ARHGAP15: variants seen among roughly 807,000 people sequenced by gnomAD.
ARHGAP15 encodes rho GTPase-activating protein 15.
Under a neutral mutation model 63.7 loss-of-function variants are expected in ARHGAP15, and 51 were observed. That is an observed-to-expected ratio of 0.80 (90% CI 0.64 to 1.01). The LOEUF is 1.01. Ranked by LOEUF, ARHGAP15 falls within the 50% of genes least tolerant of loss-of-function variation. ARHGAP15 has a pLI of 0.00. For synonymous variants in ARHGAP15, 191 were observed against 193.8 expected, an observed-to-expected ratio of 0.99 and a Z score of 0.12; for missense variants, 560 against 564.6, an observed-to-expected ratio of 0.99 and a Z score of 0.08.
chr2:143,642,272 A>T (rs77710194), intron 12 of ARHGAP15, among the ~76,000 whole-genome samples: 1 of 151,832 alleles, frequency 6.6e-6, no homozygotes, highest in Non-Finnish European at 1.5e-5. Context: ...TTTTTTATGT[A>T]TAAGAAGAGG....
Position 143,315,877 on chromosome 2 carries a change from GAGTT to G in ARHGAP15, c.474+65278_474+65281del, listed in dbSNP as rs1269386658. ...AGGCGGGTGGATCACCTGAAGTCAG[GAGTT>G]CAAGATCAGCCTGGCCAACACGGTG... is the stretch of plus-strand genomic sequence containing the variant. On this transcript the variant is annotated intron_variant, in intron 6 of 13. Coordinates refer to ENST00000295095, the MANE Select transcript of ARHGAP15 (RefSeq NM_018460.4). Among the ~76,000 whole-genome samples the G allele has an allele frequency of 9.1e-5, 13 of 142,484 alleles. No homozygotes were observed. The East Asian group carries it at 2.1e-3, about 23-fold the overall frequency. 93.5% of individuals were successfully genotyped at this position (142,484 alleles called of 152,430 possible). A position where few individuals can be genotyped will look rare whatever the true frequency, so the allele number is the denominator to read the frequency against.
intron 5 of ARHGAP15, among the ~76,000 whole-genome samples, chr2:143,249,921 A>T (rs1680063488): frequency 6.6e-6 from 1 of 152,120 alleles, no homozygotes; most frequent in Admixed American, 6.6e-5. Flanking sequence ...TAAAAGGCAT[A>T]GTTGACACTT....
chr2:143,145,594 C>T (rs922777466), intron 1 of ARHGAP15, among the ~76,000 whole-genome samples: 12 of 152,082 alleles, frequency 7.9e-5, no homozygotes, highest in African/African-American at 2.2e-4. Flanking sequence ...TTATCAATGA[C>T]TGTTTCTGCT....
At chr2:143,253,658 TAA>T (rs1171648166) in intron 6 of ARHGAP15, among the ~76,000 whole-genome samples, 2 of 151,236 alleles carry the variant, frequency 1.3e-5, no homozygotes, top group African/African-American at 2.4e-5. Context: ...CAATAAATAA[TAA>T]AAGAATTCTA....
chr2:143,519,322 C>G lies in ARHGAP15; in HGVS notation c.883C>G (p.Pro295Ala). 1 of 1,613,108 alleles carries G rather than the reference C, an allele frequency of 6.2e-7. No homozygotes were observed. The highest frequency in any genetic ancestry group is 8.5e-7 in the Non-Finnish European group (1 of 1,179,262). Residue 295 changes from proline (P) to alanine (A), a missense_variant, in exon 10 of 14, where the codon CCG becomes GCG. Pro to Ala is a conservative substitution (Grantham distance 27, BLOSUM62 -1). Coordinates refer to ENST00000295095, the MANE Select transcript of ARHGAP15 (RefSeq NM_018460.4). ...GTGTGAACGTGAAAATTCCACAGTT[C>G]CGTGGTTTGTAAAGCAATGCATTGA... ...KVCERENSTVPWFVKQCIEAV... is the reference protein window; with the variant it reads ...KVCERENSTVAWFVKQCIEAV...
chr2:143,546,123 T>C (rs1300745133), intron 10 of ARHGAP15, among the ~76,000 whole-genome samples: 1 of 152,078 alleles, frequency 6.6e-6, no homozygotes, highest in African/African-American at 2.4e-5. Flanking sequence ...CAGTTCAGAA[T>C]GAAAGGGGAG....
intron 12 of ARHGAP15, among the ~76,000 whole-genome samples, chr2:143,668,034 A>T (rs1488396514): frequency 6.6e-6 from 1 of 151,836 alleles, no homozygotes; most frequent in Non-Finnish European, 1.5e-5. Flanking sequence ...ACATATTTTT[A>T]AAAAGAGAAA....
At chr2:143,762,619 A>G (rs1186398709) in intron 13 of ARHGAP15, among the ~76,000 whole-genome samples, 2 of 151,916 alleles carry the variant, frequency 1.3e-5, no homozygotes, top group Non-Finnish European at 2.9e-5. Flanking sequence ...CTTCATATAC[A>G]CTCTTCAGTG....
At chr2:143,648,974 G>A (rs1681032237) in intron 12 of ARHGAP15, 1 of 151,936 alleles carries the variant, frequency 6.6e-6, no homozygotes, top group Admixed American at 6.6e-5. Context: ...CACACTTTTA[G>A]TCTCAGACCT....
At chr2:143,301,341 C>T (rs560751675) in intron 6 of ARHGAP15, among the ~76,000 whole-genome samples, 1 of 151,998 alleles carries the variant, frequency 6.6e-6, no homozygotes, top group African/African-American at 2.4e-5. Flanking sequence ...GTATTTGCCT[C>T]TTGTCATATT....
chr2:143,330,125 AAAAAAACC>A lies in ARHGAP15; in HGVS notation c.474+79531_474+79538del, dbSNP rs1684468679. ...AAAAAAAAAAAAAAAAAAAAAAAAAAAAAAAACCAAAAACAAAAAACTAAACTAATGAT... is the reference window on the plus strand; with the variant it reads ...AAAAAAAAAAAAAAAAAAAAAAAAAAAAAAACAAAAAACTAAACTAATGAT... On this transcript the variant is annotated intron_variant, in intron 6 of 13. Coordinates refer to ENST00000295095, the MANE Select transcript of ARHGAP15 (RefSeq NM_018460.4). Among the ~76,000 whole-genome samples the A allele has an allele frequency of 6.6e-5, 6 of 90,272 alleles. 1 individual carries two copies. Among genetic ancestry groups the A allele is most frequent in the Non-Finnish European group, 4.5e-5 (2 of 44,492 alleles). 59.2% of individuals were successfully genotyped at this position (90,272 alleles called of 152,430 possible).
At chr2:143,200,555 T>TTC (rs1011081898) in intron 2 of ARHGAP15, among the ~76,000 whole-genome samples, 1 of 150,984 alleles carries the variant, frequency 6.6e-6, no homozygotes, top group Non-Finnish European at 1.5e-5. Context: ...TTCTCTCTCT[T>TTC]TCTCTCTCTC....
chr2:143,260,406 G>C (rs1680660544), intron 6 of ARHGAP15, among the ~76,000 whole-genome samples: 1 of 152,176 alleles, frequency 6.6e-6, no homozygotes, highest in South Asian at 2.1e-4. Context: ...TATTTATATA[G>C]ATCACAAGTC....
At chr2:143,568,402 CAT>C (rs1275244248) in intron 11 of ARHGAP15, among the ~76,000 whole-genome samples, 2 of 152,158 alleles carry the variant, frequency 1.3e-5, no homozygotes, top group African/African-American at 4.8e-5. Context: ...AGCCAACAGA[CAT>C]ATGAAAAAAT....
rs1377479127 is a variant in ARHGAP15, at chr2:143,462,251, C to A, written c.704-25122C>A. On this transcript the variant is annotated intron_variant, in intron 8 of 13. Coordinates refer to ENST00000295095, the MANE Select transcript of ARHGAP15 (RefSeq NM_018460.4). ...AAGTAAACTATAATTGATAGGCCAT[C>A]TCCATTCTGCTGGGAATTGTTGTGT... Among the ~76,000 whole-genome samples, 3 of 152,156 alleles carry A rather than the reference C, an allele frequency of 2.0e-5. No homozygotes were observed. The East Asian group carries it at 5.8e-4, about 29-fold the overall frequency.
chr2:143,679,988 C>G (rs1198285145), intron 12 of ARHGAP15, among the ~76,000 whole-genome samples: 1 of 132,842 alleles, frequency 7.5e-6, no homozygotes, highest in Non-Finnish European at 1.5e-5. Flanking sequence ...GGGGCAAGAG[C>G]CTGCAAGTGT....
chr2:143,470,992 A>G (rs932945653), intron 8 of ARHGAP15, among the ~76,000 whole-genome samples: 2 of 111,286 alleles, frequency 1.8e-5, no homozygotes, highest in African/African-American at 5.3e-5. Context: ...TGTATCATAT[A>G]CATGTGTGTA....
intron 11 of ARHGAP15, among the ~76,000 whole-genome samples, chr2:143,615,263 G>A (rs1315664629): frequency 6.6e-6 from 1 of 152,136 alleles, no homozygotes. Flanking sequence ...AATGAGAGTA[G>A]CAATATCTTA....
chr2:143,562,803 A>G (rs968111819), intron 11 of ARHGAP15, among the ~76,000 whole-genome samples: 2 of 152,224 alleles, frequency 1.3e-5, no homozygotes, highest in African/African-American at 4.8e-5. Flanking sequence ...GCATTAGTAA[A>G]TAATGCTGAA....
Sources: allele counts gnomAD v4.1 joint callset (sites outside exome capture counted in the v4.1 genomes callset), GRCh38; gene constraint gnomAD v4.1.1; transcripts MANE v1.5; gene names NCBI Gene and HGNC (gene_info 2026-07-23, HGNC 2026-07-21).